Variants in STPG2 observed in about 807,000 individuals in gnomAD.
STPG2 encodes the protein sperm-tail PG-rich repeat-containing protein 2.
STPG2 carries 56 observed loss-of-function variants against 54.2 expected under a neutral mutation model. That is an observed-to-expected ratio of 1.03 (90% CI 0.83 to 1.29). The LOEUF (loss-of-function observed/expected upper bound fraction) is 1.29, where lower values mean the gene tolerates loss of function less well. Ranked by LOEUF, STPG2 falls within the 50% of genes most tolerant of loss-of-function variation. STPG2 has a pLI of 0.00. For missense variants in STPG2, 596 were observed against 544.9 expected, an observed-to-expected ratio of 1.09 and a Z score of -0.93; for synonymous variants, 200 against 181.8, an observed-to-expected ratio of 1.10 and a Z score of -0.81.
chr4:97,465,362 T>C (rs1729763444), intron 4 of STPG2, among the ~76,000 whole-genome samples: 2 of 152,270 alleles, frequency 1.3e-5, no homozygotes, highest in Non-Finnish European at 2.9e-5. Context: ...TTTTTCTTAT[T>C]GTAAAGACAA....
chr4:97,740,004 G>T (rs971484779), intron 9 of STPG2, among the ~76,000 whole-genome samples: 1 of 151,886 alleles, frequency 6.6e-6, no homozygotes, highest in Non-Finnish European at 1.5e-5. Context: ...ACATCAAAAA[G>T]CTTATCCACC....
chr4:97,823,515 T>C (rs1289701519), intron 9 of STPG2, among the ~76,000 whole-genome samples: 2 of 152,232 alleles, frequency 1.3e-5, no homozygotes, highest in Non-Finnish European at 2.9e-5. Flanking sequence ...TACTACTCAT[T>C]GACAGCTGTT....
chr4:97,801,198 C>G (rs182669749), intron 9 of STPG2, among the ~76,000 whole-genome samples: 1 of 152,304 alleles, frequency 6.6e-6, no homozygotes, highest in Admixed American at 6.5e-5. Context: ...CCTGCACCCA[C>G]CGTCCAGCAA....
chr4:98,082,103 C>G (rs1355761142), intron 5 of STPG2, among the ~76,000 whole-genome samples: 2 of 152,156 alleles, frequency 1.3e-5, no homozygotes, highest in African/African-American at 2.4e-5. Context: ...CCAATGAGGT[C>G]ACTTGAACCC....
rs1021419110 is a variant in STPG2, at chr4:97,802,566, G to T, written c.1204+38207C>A. Among the ~76,000 whole-genome samples the T allele has an allele frequency of 2.6e-5, 4 of 152,074 alleles. No homozygotes were observed. The South Asian group carries it at 8.3e-4, about 32-fold the overall frequency. On this transcript the variant is annotated intron_variant, in intron 9 of 10. Coordinates refer to ENST00000295268, the MANE Select transcript of STPG2 (RefSeq NM_174952.3). ...GCTCACTCCAACCTCCATCTCCCAG[G>T]TTCAAGTGATTCTCCTGCCTAAGCC... is the stretch of plus-strand genomic sequence containing the variant.
intron 1 of STPG2, among the ~76,000 whole-genome samples, chr4:98,136,964 T>C (rs1441653515): frequency 6.6e-6 from 1 of 151,552 alleles, no homozygotes; most frequent in East Asian, 1.9e-4. Flanking sequence ...ATGAGATAAA[T>C]GGAAAGCAAA....
intron 8 of STPG2, among the ~76,000 whole-genome samples, chr4:97,860,683 T>C (rs1729496837): frequency 6.6e-6 from 1 of 151,998 alleles, no homozygotes; most frequent in Admixed American, 6.6e-5. Context: ...TTTGGATGAG[T>C]CGTTGGGGTT....
intron 10 of STPG2, among the ~76,000 whole-genome samples, chr4:97,604,169 A>C (rs1168789042): frequency 6.6e-6 from 1 of 151,660 alleles, no homozygotes; most frequent in Non-Finnish European, 1.5e-5. Context: ...TGTATTTGAA[A>C]TAGTAATCTA....
chr4:97,834,685 C>A (rs575200476), intron 9 of STPG2, among the ~76,000 whole-genome samples: 4 of 151,954 alleles, frequency 2.6e-5, no homozygotes, highest in Non-Finnish European at 4.4e-5. Context: ...CAGTTGTTTT[C>A]GAGTTTTTTA....
chr4:97,718,113 T>C (rs977183032), intron 9 of STPG2, among the ~76,000 whole-genome samples: 2 of 152,038 alleles, frequency 1.3e-5, no homozygotes, highest in Non-Finnish European at 2.9e-5. Flanking sequence ...AGCAAGGCAT[T>C]CCCTCTGTCA....
intron 9 of STPG2, among the ~76,000 whole-genome samples, chr4:97,833,588 T>C (rs1456650397): frequency 6.6e-6 from 1 of 151,884 alleles, no homozygotes; most frequent in Non-Finnish European, 1.5e-5. Flanking sequence ...AATGGGAGAA[T>C]AATTTTGCAA....
chr4:97,904,616 T>C (rs1172552976), intron 8 of STPG2, among the ~76,000 whole-genome samples: 1 of 152,166 alleles, frequency 6.6e-6, no homozygotes, highest in Non-Finnish European at 1.5e-5. Context: ...AGAATGACTT[T>C]GACGAGCTGA....
At chr4:98,141,386 A>G (rs546358689) in intron 1 of STPG2, among the ~76,000 whole-genome samples, 2 of 152,264 alleles carry the variant, frequency 1.3e-5, no homozygotes, top group East Asian at 1.9e-4. Context: ...TTTAGGTCTG[A>G]TAAGAAGCAT....
chr4:97,999,466 G>A (rs1735343753), intron 5 of STPG2, among the ~76,000 whole-genome samples: 1 of 151,524 alleles, frequency 6.6e-6, no homozygotes, highest in South Asian at 2.1e-4. Context: ...AGTTTGGGAG[G>A]CCGAGGTGGG....
At chr4:97,580,502 C>T (rs903547155) in intron 10 of STPG2, among the ~76,000 whole-genome samples, 14 of 151,672 alleles carry the variant, frequency 9.2e-5, no homozygotes, top group Admixed American at 4.6e-4. Context: ...TATTAGAAGC[C>T]ATGGTAAACA....
intron 10 of STPG2, among the ~76,000 whole-genome samples, chr4:97,604,056 T>C (rs1487987019): frequency 2.0e-5 from 3 of 151,718 alleles, no homozygotes; most frequent in Admixed American, 6.6e-5. Context: ...AAACTTTATA[T>C]GGGAAAATCT....
intron 10 of STPG2, among the ~76,000 whole-genome samples, chr4:97,606,632 A>G (rs1038099604): frequency 6.6e-6 from 1 of 151,966 alleles, no homozygotes; most frequent in Non-Finnish European, 1.5e-5. Context: ...ATTTTTGTGA[A>G]AGATATTCTT....
chr4:97,774,950 G>A (rs947822286), intron 9 of STPG2, among the ~76,000 whole-genome samples: 1 of 152,142 alleles, frequency 6.6e-6, no homozygotes, highest in East Asian at 1.9e-4. Context: ...CCATATGACC[G>A]GCTCAGTGAT....
At chr4:97,490,441 G>T (rs1184360719) in intron 4 of STPG2, among the ~76,000 whole-genome samples, 3 of 151,286 alleles carry the variant, frequency 2.0e-5, no homozygotes, top group African/African-American at 7.3e-5. Flanking sequence ...TACTCTGTTT[G>T]CCACTTTATT....
Sources: gnomAD v4.1 joint callset for allele counts (sites outside exome capture counted in the v4.1 genomes callset) on GRCh38, gnomAD v4.1.1 for gene constraint, MANE v1.5 for transcripts, NCBI Gene and HGNC (gene_info 2026-07-23, HGNC 2026-07-21) for gene names.